The following ANO7 variants were observed in gnomAD, a reference collection of about 807,000 sequenced individuals.
ANO7 encodes the protein anoctamin 7, also known as anoctamin-7.
ANO7 carries 114 observed loss-of-function variants against 115.8 expected under a neutral mutation model. The ratio of observed to expected loss-of-function variants is 0.98; its 90% CI spans 0.85 to 1.15. The LOEUF (loss-of-function observed/expected upper bound fraction) is 1.15, where lower values mean the gene tolerates loss of function less well. Among genes scored for constraint, ANO7 ranks in the 50% most tolerant of loss-of-function variants. The pLI, the probability that ANO7 is intolerant of heterozygous loss-of-function variation, is 0.00. For synonymous variants in ANO7, 550 were observed against 498.2 expected (o/e 1.10, Z -1.38); for missense variants, 1,302 against 1,201.2 (o/e 1.08, Z -1.24).
intron 4 of ANO7, among the ~76,000 whole-genome samples, chr2:241,197,385 C>A (rs1574762634): frequency 6.6e-6 from 1 of 152,254 alleles, no homozygotes; most frequent in Middle Eastern, 3.4e-3. Flanking sequence ...CAGGCGTGAG[C>A]CACCGCGCCA....
intron 4 of ANO7, among the ~76,000 whole-genome samples, chr2:241,196,726 G>A (rs867161016): frequency 2.0e-5 from 3 of 152,244 alleles, no homozygotes; most frequent in Non-Finnish European, 2.9e-5. Flanking sequence ...TTGCCTTGCC[G>A]CAGGCAGCTC....
chr2:241,214,264 G>A (rs549202317), intron 17 of ANO7, among the ~76,000 whole-genome samples: 3 of 152,326 alleles, frequency 2.0e-5, no homozygotes, highest in African/African-American at 7.2e-5. Flanking sequence ...AACGCTCAGG[G>A]CTACGCGGGC....
At position 241,209,508 on chromosome 2, in the gene ANO7, G is replaced by T. The variant is rs770027915; in HGVS notation, c.1232G>T (p.Arg411Leu). 1 of 1,592,028 alleles carries T rather than the reference G, an allele frequency of 6.3e-7. No individual in the cohort carries two copies. Among genetic ancestry groups the T allele is most frequent in the Admixed American group, 1.7e-5 (1 of 58,786 alleles). Residue 411 changes from arginine (R) to leucine (L), a missense_variant, in exon 13 of 25, where the codon CGG (arginine) becomes CTG (leucine). Physicochemically the swap from Arg to Leu is moderately radical, Grantham distance 102. Transcript: ENST00000674324. ...CCGGCTCCCTTCCAGGAGAGGCCTC[G>T]GCCCCAGTTTGCCGCCTCAGCCCCC... is the stretch of plus-strand genomic sequence containing the variant. ...SDYEDTEERP[R>L]PQFAASAPMT... is the part of the protein sequence containing the mutation.
At position 241,217,974 on chromosome 2, in the gene ANO7, G is replaced by GA. The variant is rs1424721555; in HGVS notation, c.2178+83_2178+84insA. On this transcript the variant is annotated intron_variant, in intron 20 of 24. Coordinates refer to ENST00000674324, the MANE Select transcript of ANO7 (RefSeq NM_001370694.2). ...GGGGCAGCGGGGGCGCGCAGGGGCG[G>GA]GCCGGGGGCAGCGGGGGCGCGCAGG... The GA allele has an allele frequency of 6.0e-5, 4 of 67,022 alleles. 1 individual carries two copies. Among genetic ancestry groups the GA allele is most frequent in the African/African-American group, 3.3e-4 (3 of 9,170 alleles). 4.2% of individuals were successfully genotyped at this position (67,022 alleles called of 1,614,324 possible).
chr2:241,199,022 C>A (rs1470407261), intron 4 of ANO7: 3 of 412,412 alleles, frequency 7.3e-6, no homozygotes, highest in Non-Finnish European at 1.4e-5. Flanking sequence ...GCCAGCAGGG[C>A]AAGGCTCTCC....
Position 241,207,672 on chromosome 2 carries a change from T to C in ANO7, c.1077+2T>C, listed in dbSNP as rs2068624131. The C allele has an allele frequency of 6.2e-7, 1 of 1,613,352 alleles. No homozygotes were observed. The highest frequency in any genetic ancestry group is 1.3e-5 in the African/African-American group (1 of 75,022). On this transcript the variant is annotated splice_donor_variant, in intron 11 of 24. Transcript: ENST00000674324. LOFTEE classifies it high-confidence loss of function. Reference sequence around the variant, plus strand: ...TCCAGCGCCTGTGCCCTGGCCCAGGTACGAGAAGAGGTGGGTGGGGTAAGG... The same window carrying C: ...TCCAGCGCCTGTGCCCTGGCCCAGGCACGAGAAGAGGTGGGTGGGGTAAGG...
chr2:241,196,341 G>A (rs2068328113), intron 4 of ANO7, among the ~76,000 whole-genome samples: 1 of 152,206 alleles, frequency 6.6e-6, no homozygotes, highest in Admixed American at 6.5e-5. Context: ...GCGGGCACAG[G>A]CAGGCGCAGG....
chr2:241,203,898 C>G lies in ANO7; in HGVS notation c.889+400C>G, dbSNP rs556490674. Among the ~76,000 whole-genome samples the G allele has an allele frequency of 6.6e-6, 1 of 152,248 alleles. No homozygotes were observed. On this transcript the variant is annotated intron_variant, in intron 9 of 24. Coordinates refer to ENST00000674324, the MANE Select transcript of ANO7 (RefSeq NM_001370694.2). The surrounding 1 kb of genome is among the most constrained non-coding windows in gnomAD (Gnocchi z 4.8). ...CAAGCAGGCCATCTGCCCCAGGCAA[C>G]CCCAGAGCTGTTCCTCCTGGGTCCT...
chr2:241,219,095 CAGG>C (rs1039843475), intron 21 of ANO7, among the ~76,000 whole-genome samples: 24 of 152,334 alleles, frequency 1.6e-4, no homozygotes, highest in African/African-American at 4.8e-4. Flanking sequence ...GGAAGGACAA[CAGG>C]AGAAGTGGTG....
the ANO7 span, among the ~76,000 whole-genome samples, chr2:241,232,222 C>T: frequency 6.6e-6 from 1 of 152,162 alleles, no homozygotes; most frequent in African/African-American, 2.4e-5. Context: ...GACTGCTCCA[C>T]CCCACTTGGC....
chr2:241,230,997 CA>C, the ANO7 span: 3 of 1,525,022 alleles, frequency 2.0e-6, no homozygotes, highest in Admixed American at 5.1e-5. The surrounding 1 kb of genome is among the most constrained non-coding windows in gnomAD (Gnocchi z 5.0). Context: ...GGATTCCCGT[CA>C]GGGGCAAGAG....
the ANO7 span, chr2:241,235,208 G>A: frequency 4.3e-6 from 7 of 1,614,118 alleles, no homozygotes; most frequent in South Asian, 4.4e-5. Flanking sequence ...GGCCCGTGAT[G>A]GCGATGATGT....
chr2:241,210,226 C>A lies in ANO7; in HGVS notation c.1360-69C>A, dbSNP rs1015526276. The A allele has an allele frequency of 7.9e-5, 117 of 1,479,808 alleles. 2 individuals are homozygous for A. The Middle Eastern group carries it at 9.2e-4, about 12-fold the overall frequency. The allele number at this position is 1,479,808 out of a possible 1,614,324, so 91.7% of individuals were successfully genotyped here. On this transcript the variant is annotated intron_variant, in intron 13 of 24. Transcript: ENST00000674324. ...AGTGGACTAGAAGAGCTGTCGGGGG[C>A]CATGGCCTGAGGGTGCTGGGGTGCC...
At chr2:241,196,251 G>A in intron 4 of ANO7, 2 of 852,374 alleles carry the variant, frequency 2.3e-6, no homozygotes, top group Non-Finnish European at 2.9e-6. Context: ...GGTGATAATG[G>A]TAGGTACCAC....
At chr2:241,217,384 T>G (rs1361990785) in intron 19 of ANO7, among the ~76,000 whole-genome samples, 1 of 152,150 alleles carries the variant, frequency 6.6e-6, no homozygotes, top group Non-Finnish European at 1.5e-5. Flanking sequence ...GGTTGTAAAA[T>G]CAGGAGCAGG....
chr2:241,223,606 C>T, intron 22 of ANO7, 56 bp from the exon 23 acceptor site: 1 of 1,592,706 alleles, frequency 6.3e-7, no homozygotes, highest in Non-Finnish European at 8.6e-7. Flanking sequence ...CTGCCTGGCC[C>T]TGTGAAGGCC....
Position 241,194,520 on chromosome 2 carries a change from G to A in ANO7, c.167-1183G>A, listed in dbSNP as rs182008342. 8.1e-3 allele frequency among the ~76,000 whole-genome samples: 1,230 copies of A among 151,638 alleles called. 51 individuals are homozygous for A. The highest frequency in any genetic ancestry group is 0.069 in the Admixed American group (1,058 of 15,230). The stretch of plus-strand genomic sequence containing the variant: ...TTTTTAGTAGATATGGGGTTTCACC[G>A]TGTTAGCCAGGATGGTCTTGATCTC... On this transcript the variant is annotated intron_variant, in intron 3 of 24. Coordinates refer to ENST00000674324, the MANE Select transcript of ANO7 (RefSeq NM_001370694.2).
At chr2:241,238,637 T>C in the ANO7 span, 7 of 1,551,728 alleles carry the variant, frequency 4.5e-6, no homozygotes, top group Non-Finnish European at 6.1e-6. This position sits in a 1 kb window ranked among gnomAD's most constrained non-coding sequence, Gnocchi z 4.9. Flanking sequence ...GCAGGGCTAA[T>C]GGGGGACCCA....
chr2:241,222,901 T>C lies in ANO7; in HGVS notation c.2322-285T>C, dbSNP rs1422058147. Among the ~76,000 whole-genome samples the C allele has an allele frequency of 2.6e-5, 4 of 152,226 alleles. No individual in the cohort carries two copies. The East Asian group carries it at 7.7e-4, about 29-fold the overall frequency. On this transcript the variant is annotated intron_variant, in intron 21 of 24. Transcript: ENST00000674324. Reference sequence around the variant, plus strand: ...AGACGTACTGGACTGTCACATCTACTAGAAAATAAAGCATCTGCCACCTGG... The same window carrying C: ...AGACGTACTGGACTGTCACATCTACCAGAAAATAAAGCATCTGCCACCTGG...
Sources: allele counts gnomAD v4.1 joint callset (sites outside exome capture counted in the v4.1 genomes callset), GRCh38; gene constraint gnomAD v4.1.1; non-coding constraint Gnocchi (gnomAD v3.1); transcripts MANE v1.5; gene names NCBI Gene and HGNC (gene_info 2026-07-23, HGNC 2026-07-21).